GNG7: variants seen among roughly 807,000 people sequenced by gnomAD.
GNG7 encodes G protein subunit gamma 7, also known as guanine nucleotide-binding protein G(I)/G(S)/G(O) subunit gamma-7.
In GNG7, 1 loss-of-function variant was observed where a neutral mutation model predicts 4.0. The ratio of observed to expected loss-of-function variants is 0.25; its 90% CI spans 0.09 to 1.18. The LOEUF (loss-of-function observed/expected upper bound fraction) is 1.18, where lower values mean the gene tolerates loss of function less well. Among genes scored for constraint, GNG7 ranks in the 50% most tolerant of loss-of-function variants. GNG7 has a pLI of 0.50. For missense variants in GNG7, 86 were observed against 91.9 expected (o/e 0.94, Z 0.26); for synonymous variants, 34 against 36.9 (o/e 0.92, Z 0.29).
At chr19:2,672,300 C>T (rs145858546) in intron 1 of GNG7, among the ~76,000 whole-genome samples, 23 of 151,866 alleles carry the variant, frequency 1.5e-4, no homozygotes, top group African/African-American at 4.8e-4. Flanking sequence ...GGATTGCAGG[C>T]GTGAGCCACT....
chr19:2,597,384 G>T (rs1367182777), intron 2 of GNG7, among the ~76,000 whole-genome samples: 1 of 152,012 alleles, frequency 6.6e-6, no homozygotes, highest in Non-Finnish European at 1.5e-5. Flanking sequence ...ATCACCTAAG[G>T]TCAGGAGTTT....
chr19:2,604,609 C>T (rs1981320371), intron 2 of GNG7, among the ~76,000 whole-genome samples: 1 of 123,368 alleles, frequency 8.1e-6, no homozygotes, highest in Non-Finnish European at 1.6e-5. Context: ...CTAGACACTC[C>T]AGCCTGGGCA....
At chr19:2,583,433 T>C (rs958007372) in intron 2 of GNG7, among the ~76,000 whole-genome samples, 15 of 152,302 alleles carry the variant, frequency 9.8e-5, no homozygotes, top group African/African-American at 3.4e-4. Flanking sequence ...GGGGTGAGGT[T>C]GGGGAGGACC....
intron 1 of GNG7, among the ~76,000 whole-genome samples, chr19:2,685,782 C>A (rs543002027): frequency 1.3e-5 from 2 of 152,152 alleles, no homozygotes; most frequent in Non-Finnish European, 2.9e-5. Context: ...GTCCTCCTCC[C>A]GAGACGAGGG....
chr19:2,621,495 C>A (rs773573465), intron 2 of GNG7, among the ~76,000 whole-genome samples: 7 of 151,794 alleles, frequency 4.6e-5, no homozygotes, highest in Admixed American at 4.6e-4. Context: ...ATAAGGAGTT[C>A]GAGACCAGCC....
At position 2,513,486 on chromosome 19, in the gene GNG7, G is replaced by C; in HGVS notation, c.*1536C>G. The C allele has an allele frequency of 1.0e-6, 1 of 984,594 alleles. No homozygotes were observed. The allele number at this position is 984,594 out of a possible 1,614,324, so 61.0% of individuals were successfully genotyped here. On this transcript the variant is annotated 3_prime_UTR_variant, in exon 5 of 5. Transcript: ENST00000382159. ...TGCACCTGCTCCCGTCCGTGCCGCA[G>C]AGGAGGACGCAGTCATCTTTCAGAA...
At chr19:2,686,128 G>C (rs1983863829) in intron 1 of GNG7, among the ~76,000 whole-genome samples, 2 of 151,816 alleles carry the variant, frequency 1.3e-5, no homozygotes, top group East Asian at 3.9e-4. Context: ...CTGTCAGGCA[G>C]TTTCCCAGCC....
At position 2,628,579 on chromosome 19, in the gene GNG7, T is replaced by C. The variant is rs372817908; in HGVS notation, c.-78+17645A>G. Among the ~76,000 whole-genome samples the C allele has an allele frequency of 2.1e-4, 32 of 150,054 alleles. No individual in the cohort carries two copies. The East Asian group carries it at 2.7e-3, about 13-fold the overall frequency. ...ATCTTAACCACGTTTATGTGTACGG[T>C]TCAGTGATGTTAAGTATACTCACAC... On this transcript the variant is annotated intron_variant, in intron 2 of 4. Transcript: ENST00000382159.
chr19:2,554,559 A>ATATTTTT lies in GNG7; in HGVS notation c.-38+589_-38+590insAAAAATA, dbSNP rs1196558078. 3.1e-3 allele frequency among the ~76,000 whole-genome samples: 397 copies of ATATTTTT among 130,114 alleles called. 1 individual carries two copies. Among genetic ancestry groups the ATATTTTT allele is most frequent in the African/African-American group, 0.01 (374 of 35,708 alleles). The allele number at this position is 130,114 out of a possible 152,430, so 85.4% of individuals were successfully genotyped here. ...ATATATATGCTATATATATATATAT[A>ATATTTTT]TTTTTTTTTTTTTGAGACAGAGTCT... On this transcript the variant is annotated intron_variant, in intron 3 of 4. Coordinates refer to ENST00000382159, the MANE Select transcript of GNG7 (RefSeq NM_052847.3).
chr19:2,589,020 C>G (rs1051277984), intron 2 of GNG7, among the ~76,000 whole-genome samples: 3 of 152,198 alleles, frequency 2.0e-5, no homozygotes, highest in Non-Finnish European at 4.4e-5. Context: ...CCTCCCCCTT[C>G]CAGGTTCAAG....
At chr19:2,588,761 C>A (rs1293718700) in intron 2 of GNG7, among the ~76,000 whole-genome samples, 6 of 152,186 alleles carry the variant, frequency 3.9e-5, no homozygotes, top group Non-Finnish European at 8.8e-5. Flanking sequence ...CAAACCCAGG[C>A]TTGCTGATCA....
chr19:2,698,628 C>A (rs149175101), intron 1 of GNG7, among the ~76,000 whole-genome samples: 2 of 152,022 alleles, frequency 1.3e-5, no homozygotes, highest in African/African-American at 4.8e-5. Flanking sequence ...CTATAGAGAC[C>A]AGGCACGACC....
At chr19:2,588,832 C>T (rs1178081105) in intron 2 of GNG7, among the ~76,000 whole-genome samples, 2 of 152,188 alleles carry the variant, frequency 1.3e-5, no homozygotes, top group Admixed American at 6.5e-5. Flanking sequence ...TCCTCCCCGA[C>T]TCCCTTGCTT....
chr19:2,551,777 G>A (rs1019568079), intron 3 of GNG7, among the ~76,000 whole-genome samples: 3 of 151,868 alleles, frequency 2.0e-5, no homozygotes, highest in Admixed American at 6.6e-5. Context: ...TCTGCCTCCC[G>A]GGCTCAAGTG....
chr19:2,571,385 A>C (rs1980141359), intron 2 of GNG7, among the ~76,000 whole-genome samples: 1 of 152,054 alleles, frequency 6.6e-6, no homozygotes, highest in Non-Finnish European at 1.5e-5. Context: ...AAAGATGTCT[A>C]CCTATATCCT....
rs190809152 is a variant in GNG7, at chr19:2,679,364, A to G, written c.-135+23282T>C. Among the ~76,000 whole-genome samples, 148 of 152,250 alleles carry G rather than the reference A, an allele frequency of 9.7e-4. 2 individuals are homozygous for G. Among genetic ancestry groups the G allele is most frequent in the Non-Finnish European group, 1.4e-3 (92 of 68,022 alleles). ...CCACACCCAGCCAATACTAATATTT[A>G]TACATAATATATTGAATAATATTAG... On this transcript the variant is annotated intron_variant, in intron 1 of 4. Coordinates refer to ENST00000382159, the MANE Select transcript of GNG7 (RefSeq NM_052847.3).
intron 2 of GNG7, among the ~76,000 whole-genome samples, chr19:2,592,459 G>A (rs185245623): frequency 6.6e-5 from 10 of 152,192 alleles, no homozygotes; most frequent in Non-Finnish European, 1.3e-4. Context: ...CAAAGGCCAG[G>A]TGCAGTGGCT....
chr19:2,567,138 A>AC (rs1568246160), intron 2 of GNG7, among the ~76,000 whole-genome samples: 4 of 141,452 alleles, frequency 2.8e-5, no homozygotes, highest in African/African-American at 1.2e-4. Context: ...AAAACAAAAA[A>AC]AAAACAAAAA....
chr19:2,601,089 C>T (rs1981184617), intron 2 of GNG7, among the ~76,000 whole-genome samples: 1 of 151,952 alleles, frequency 6.6e-6, no homozygotes, highest in African/African-American at 2.4e-5. Context: ...GAGCTAGGAT[C>T]ACGCCACTAC....
Sources: gnomAD v4.1 joint callset for allele counts (sites outside exome capture counted in the v4.1 genomes callset) on GRCh38, gnomAD v4.1.1 for gene constraint, MANE v1.5 for transcripts, NCBI Gene and HGNC (gene_info 2026-07-23, HGNC 2026-07-21) for gene names.